GMDS: variants seen among roughly 807,000 people sequenced by gnomAD.
GMDS encodes the protein GDP-mannose 4,6-dehydratase.
In GMDS, 20 loss-of-function variants were observed where a neutral mutation model predicts 49.9. The observed-to-expected ratio is 0.40, with a 90% CI of 0.28 to 0.58. The LOEUF (loss-of-function observed/expected upper bound fraction) is 0.58, where lower values mean the gene tolerates loss of function less well. Among genes scored for constraint, GMDS ranks in the 20% least tolerant of loss-of-function variants. GMDS has a pLI of 0.42. For missense variants in GMDS, 362 were observed against 481.4 expected (o/e 0.75, Z 2.32); for synonymous variants, 177 against 178.6 (o/e 0.99, Z 0.07).
At chr6:1,942,083 C>T (rs1461077901) in intron 6 of GMDS, among the ~76,000 whole-genome samples, 8 of 152,152 alleles carry the variant, frequency 5.3e-5, no homozygotes, top group Non-Finnish European at 8.8e-5. Context: ...ACTTCCTGGT[C>T]GGATCTTCCT....
intron 7 of GMDS, among the ~76,000 whole-genome samples, chr6:1,807,764 G>A (rs1044142792): frequency 6.6e-6 from 1 of 152,104 alleles, no homozygotes; most frequent in Non-Finnish European, 1.5e-5. Context: ...GTGGATCATA[G>A]AGGTAAATGT....
intron 1 of GMDS, among the ~76,000 whole-genome samples, chr6:2,162,169 AT>A: frequency 6.6e-6 from 1 of 152,196 alleles, no homozygotes. Context: ...TCCAATGCCT[AT>A]TTTAAAAATA....
In GMDS at chr6:1,624,244, G is replaced by T. The variant is rs1762775069; in HGVS notation, c.1057-13C>A. ...CCCTCACCAGCTCCTGCAACACAGG[G>T]GTGGGCGTGAGGGAGGAGCTTCTGC... On this transcript the variant is annotated splice_polypyrimidine_tract_variant and intron_variant, in intron 10 of 10. Coordinates refer to ENST00000380815, the MANE Select transcript of GMDS (RefSeq NM_001500.4). The T allele has an allele frequency of 1.2e-6, 2 of 1,610,442 alleles. No homozygotes were observed. Among genetic ancestry groups the T allele is most frequent in the Non-Finnish European group, 8.5e-7 (1 of 1,179,224 alleles).
At chr6:1,752,850 C>T (rs1053649851) in intron 7 of GMDS, among the ~76,000 whole-genome samples, 1 of 152,174 alleles carries the variant, frequency 6.6e-6, no homozygotes, top group Non-Finnish European at 1.5e-5. Context: ...GATTTTGTCA[C>T]CACCTGGCCT....
chr6:2,003,202 G>C (rs1159323996), intron 4 of GMDS, among the ~76,000 whole-genome samples: 1 of 152,068 alleles, frequency 6.6e-6, no homozygotes, highest in East Asian at 1.9e-4. Context: ...AAACCTTGAC[G>C]ACAATGTTGC....
chr6:1,884,372 G>T (rs1581304057), intron 7 of GMDS, among the ~76,000 whole-genome samples: 1 of 152,320 alleles, frequency 6.6e-6, no homozygotes, highest in African/African-American at 2.4e-5. Flanking sequence ...GGGAGGAAAT[G>T]ATGTAGCGTT....
In GMDS at chr6:1,778,970, C is replaced by T. The variant is rs1459757228; in HGVS notation, c.772-36384G>A. On this transcript the variant is annotated intron_variant, in intron 7 of 10. Transcript: ENST00000380815. The surrounding 1 kb of genome is among the most constrained non-coding windows in gnomAD (Gnocchi z 4.6). The stretch of plus-strand genomic sequence containing the variant: ...GCCCTTCAAAGGCCTACCCCATCAT[C>T]TCGCAGTGCTGGCGTGGCCTCCCAT... Among the ~76,000 whole-genome samples the T allele has an allele frequency of 6.6e-6, 1 of 152,200 alleles. No individual in the cohort carries two copies. Among genetic ancestry groups the T allele is most frequent in the African/African-American group, 2.4e-5 (1 of 41,450 alleles).
At chr6:2,059,078 A>G (rs1467200101) in intron 4 of GMDS, among the ~76,000 whole-genome samples, 1 of 150,782 alleles carries the variant, frequency 6.6e-6, no homozygotes, top group Non-Finnish European at 1.5e-5. Context: ...TGGAAGGCTA[A>G]GCCAGGAGAA....
intron 4 of GMDS, among the ~76,000 whole-genome samples, chr6:2,006,419 T>C (rs1294946404): frequency 6.6e-6 from 1 of 151,834 alleles, no homozygotes; most frequent in Non-Finnish European, 1.5e-5. Context: ...CACAGCAAGA[T>C]CCTGTCTCCA....
chr6:1,950,203 T>C (rs544810189), intron 6 of GMDS, among the ~76,000 whole-genome samples: 3 of 152,340 alleles, frequency 2.0e-5, no homozygotes, highest in African/African-American at 7.2e-5. Flanking sequence ...CTAAAACATC[T>C]ATGAATTCTA....
intron 6 of GMDS, among the ~76,000 whole-genome samples, chr6:1,932,168 C>T (rs984554318): frequency 1.2e-4 from 19 of 152,264 alleles, no homozygotes; most frequent in African/African-American, 3.6e-4. Flanking sequence ...GCAGGAGGAA[C>T]GGCACTTGCA....
intron 1 of GMDS, among the ~76,000 whole-genome samples, chr6:2,146,631 C>T (rs1446935216): frequency 6.6e-6 from 1 of 152,152 alleles, no homozygotes. Context: ...CTATAATTAA[C>T]TTCTTTTGTA....
In GMDS at chr6:2,230,930, T is replaced by TCCCC. The variant is rs797010185; in HGVS notation, c.102+14387_102+14390dup. On this transcript the variant is annotated intron_variant, in intron 1 of 10. Coordinates refer to ENST00000380815, the MANE Select transcript of GMDS (RefSeq NM_001500.4). ...TCACTTAATGCATTTAGTATTCTCT[T>TCCCC]CCCCCCTCCCACCCCCCCCCCCCGT... Among the ~76,000 whole-genome samples the TCCCC allele has an allele frequency of 6.4e-3, 93 of 14,528 alleles. 1 individual carries two copies. The highest frequency in any genetic ancestry group is 0.012 in the African/African-American group (47 of 3,874). The allele number at this position is 14,528 out of a possible 152,430, so 9.5% of individuals were successfully genotyped here.
At chr6:1,868,595 ATTCT>A (rs1173099889) in intron 7 of GMDS, among the ~76,000 whole-genome samples, 1 of 152,234 alleles carries the variant, frequency 6.6e-6, no homozygotes. Context: ...AATTTTTAGT[ATTCT>A]TTAAGAATTT....
At chr6:2,054,911 G>C (rs774618554) in intron 4 of GMDS, among the ~76,000 whole-genome samples, 1 of 151,986 alleles carries the variant, frequency 6.6e-6, no homozygotes, top group Non-Finnish European at 1.5e-5. Flanking sequence ...TAGCAGAGAA[G>C]GATCTTCAAC....
intron 4 of GMDS, among the ~76,000 whole-genome samples, chr6:2,015,900 C>A (rs904175306): frequency 1.3e-5 from 2 of 151,906 alleles, no homozygotes; most frequent in African/African-American, 4.8e-5. Context: ...TCATTCTTAG[C>A]AACCTCAGTT....
intron 1 of GMDS, among the ~76,000 whole-genome samples, chr6:2,237,772 T>C (rs1446610156): frequency 6.6e-6 from 1 of 152,120 alleles, no homozygotes; most frequent in Admixed American, 6.5e-5. Context: ...TCTACCCACC[T>C]TGGCCTCCCA....
At chr6:2,117,325 C>T (rs1774898685) in intron 3 of GMDS, 144 bp downstream of exon 3, 6 of 614,682 alleles carry the variant, frequency 9.8e-6, no homozygotes, top group African/African-American at 3.7e-5. Flanking sequence ...GCATGTAAAT[C>T]GTATTCAGTG....
intron 7 of GMDS, among the ~76,000 whole-genome samples, chr6:1,820,428 CAA>C (rs1157622386): frequency 6.6e-6 from 1 of 152,090 alleles, no homozygotes. Context: ...TATTAACTTG[CAA>C]ATATAAGAAA....
Sources: allele counts gnomAD v4.1 joint callset (sites outside exome capture counted in the v4.1 genomes callset), GRCh38; gene constraint gnomAD v4.1.1; non-coding constraint Gnocchi (gnomAD v3.1); transcripts MANE v1.5; gene names NCBI Gene and HGNC (gene_info 2026-07-23, HGNC 2026-07-21).